WWOX: variants seen among roughly 807,000 people sequenced by gnomAD.
WWOX encodes the protein WW domain-containing oxidoreductase.
In WWOX, 69 loss-of-function variants were observed where a neutral mutation model predicts 46.2. The ratio of observed to expected loss-of-function variants is 1.49; its 90% CI spans 1.23 to 1.82. WWOX has a LOEUF of 1.82. Among genes scored for constraint, WWOX ranks in the 40% most tolerant of loss-of-function variants. WWOX has a pLI of 0.00. For synonymous variants in WWOX, 359 were observed against 202.6 expected, an observed-to-expected ratio of 1.77 and a Z score of -6.56; for missense variants, 919 against 542.6, an observed-to-expected ratio of 1.69 and a Z score of -6.89.
intron 8 of WWOX, among the ~76,000 whole-genome samples, chr16:79,208,440 T>C (rs2051595787): frequency 6.6e-6 from 1 of 152,052 alleles, no homozygotes; most frequent in African/African-American, 2.4e-5. Context: ...TATGTCAAGG[T>C]ATTATTATTT....
chr16:78,371,234 C>T (rs1053108205), intron 5 of WWOX, among the ~76,000 whole-genome samples: 9 of 152,098 alleles, frequency 5.9e-5, no homozygotes, highest in African/African-American at 2.2e-4. Flanking sequence ...CTAAAATTTT[C>T]TTGTGCATCC....
At chr16:79,137,600 C>T (rs1013480504) in intron 8 of WWOX, among the ~76,000 whole-genome samples, 23 of 152,120 alleles carry the variant, frequency 1.5e-4, no homozygotes, top group African/African-American at 1.4e-4. Flanking sequence ...TGAACATGTT[C>T]ACCTTTGGCT....
intron 8 of WWOX, among the ~76,000 whole-genome samples, chr16:78,728,652 C>T (rs1168516019): frequency 6.6e-6 from 1 of 152,160 alleles, no homozygotes; most frequent in Non-Finnish European, 1.5e-5. Flanking sequence ...CAGAGACATC[C>T]CTGAGGGTCC....
intron 5 of WWOX, among the ~76,000 whole-genome samples, chr16:78,309,590 G>A (rs1357528859): frequency 2.0e-5 from 3 of 152,252 alleles, no homozygotes; most frequent in East Asian, 3.9e-4. Flanking sequence ...AAATCAAGGT[G>A]TAACCCAGCC....
At chr16:78,545,587 G>C (rs548564466) in intron 8 of WWOX, among the ~76,000 whole-genome samples, 48 of 152,278 alleles carry the variant, frequency 3.2e-4, no homozygotes, top group African/African-American at 1.1e-3. Flanking sequence ...AGACCACAGT[G>C]ATGCCCAGGA....
chr16:78,445,901 G>A (rs527471606), intron 8 of WWOX, among the ~76,000 whole-genome samples: 18 of 143,046 alleles, frequency 1.3e-4, no homozygotes, highest in African/African-American at 4.4e-4. Context: ...GGGCAGGGGA[G>A]GGGGGAAAGA....
chr16:78,430,635 A>C (rs1052031096), intron 7 of WWOX, among the ~76,000 whole-genome samples: 2 of 152,112 alleles, frequency 1.3e-5, no homozygotes, highest in African/African-American at 2.4e-5. Context: ...CCATTGCCTT[A>C]GACAATTAAG....
At chr16:78,642,412 TC>T (rs2142117890) in intron 8 of WWOX, among the ~76,000 whole-genome samples, 1 of 152,310 alleles carries the variant, frequency 6.6e-6, no homozygotes, top group African/African-American at 2.4e-5. Flanking sequence ...TCTCCTTGCT[TC>T]TTTCTCTTTG....
chr16:78,456,875 T>C (rs577822849), intron 8 of WWOX, among the ~76,000 whole-genome samples: 1 of 152,378 alleles, frequency 6.6e-6, no homozygotes, highest in Non-Finnish European at 1.5e-5. Context: ...ATGCATCAGA[T>C]GATGGAACTA....
intron 4 of WWOX, among the ~76,000 whole-genome samples, chr16:78,138,830 T>G (rs1221805246): frequency 2.0e-5 from 3 of 152,212 alleles, no homozygotes; most frequent in African/African-American, 7.2e-5. Flanking sequence ...GGGGAGCAAG[T>G]GCTCAAAATG....
intron 8 of WWOX, among the ~76,000 whole-genome samples, chr16:78,760,842 G>T (rs1392328303): frequency 6.6e-6 from 1 of 152,180 alleles, no homozygotes; most frequent in Non-Finnish European, 1.5e-5. Context: ...GAGGTTTAAT[G>T]AACTCACATT....
intron 5 of WWOX, among the ~76,000 whole-genome samples, chr16:78,321,257 C>G (rs775841852): frequency 1.4e-5 from 2 of 147,814 alleles, no homozygotes; most frequent in Non-Finnish European, 3.0e-5. Flanking sequence ...TAAGGCAACA[C>G]GTAGGTTCTT....
rs2080994345 is a variant in WWOX at position 78,340,555 on chromosome 16, TTCTA to T, written c.517-46300_517-46297del. The stretch of plus-strand genomic sequence containing the variant: ...AATGTTCTGATCTGTGGATGTCTGT[TTCTA>T]TCTAAGTAGAATTCAAAGTTACTGC... On this transcript the variant is annotated intron_variant, in intron 5 of 8. Coordinates refer to ENST00000566780, the MANE Select transcript of WWOX (RefSeq NM_016373.4). Among the ~76,000 whole-genome samples, 2 of 120,404 alleles carry T rather than the reference TTCTA, an allele frequency of 1.7e-5. 1 individual carries two copies. The highest frequency in any genetic ancestry group is 4.0e-5 in the Non-Finnish European group (2 of 50,504). 79.0% of individuals were successfully genotyped at this position (120,404 alleles called of 152,430 possible).
Position 78,676,226 on chromosome 16 carries a change from G to C in WWOX, c.1056+243474G>C, listed in dbSNP as rs59803303. ...GATATAAAGCTACCATCAAGCAGAA[G>C]AAGCGGGATGCTCTCTACAGAGTCC... On this transcript the variant is annotated intron_variant, in intron 8 of 8. Transcript: ENST00000566780. 3.4e-3 allele frequency among the ~76,000 whole-genome samples: 511 copies of C among 151,686 alleles called. 3 individuals carry two copies. Among genetic ancestry groups the C allele is most frequent in the African/African-American group, 0.012 (491 of 41,416 alleles).
At chr16:78,541,440 C>T (rs1046150308) in intron 8 of WWOX, among the ~76,000 whole-genome samples, 1 of 115,090 alleles carries the variant, frequency 8.7e-6, no homozygotes. Flanking sequence ...CGCCACTGCA[C>T]TCCAGCCTGG....
chr16:78,600,393 C>G (rs1485785891), intron 8 of WWOX, among the ~76,000 whole-genome samples: 2 of 152,132 alleles, frequency 1.3e-5, no homozygotes, highest in Non-Finnish European at 2.9e-5. Flanking sequence ...CCAGCTCCAG[C>G]CATTTGTTAC....
rs187659450 is a variant in WWOX, at chr16:78,101,676, A to C, written c.107+1791A>C. On this transcript the variant is annotated intron_variant, in intron 1 of 8. Transcript: ENST00000566780. Reference sequence around the variant, plus strand: ...CCCCTCTCCCTTGGTAGGTTGTAAAATCTTCCCTCCCAGGTGATTCTAATC... The same window carrying C: ...CCCCTCTCCCTTGGTAGGTTGTAAACTCTTCCCTCCCAGGTGATTCTAATC... Among the ~76,000 whole-genome samples the C allele has an allele frequency of 3.6e-3, 549 of 152,146 alleles. 4 individuals carry two copies. In the South Asian group the frequency reaches 0.037, roughly 10 times the overall value.
chr16:79,165,039 T>A (rs1056766341), intron 8 of WWOX, among the ~76,000 whole-genome samples: 1 of 152,042 alleles, frequency 6.6e-6, no homozygotes, highest in African/African-American at 2.4e-5. Flanking sequence ...TATTTGAGGG[T>A]CTCTGGGAGG....
chr16:78,115,379 A>G (rs912629118), intron 4 of WWOX, among the ~76,000 whole-genome samples: 1 of 152,200 alleles, frequency 6.6e-6, no homozygotes, highest in Admixed American at 6.5e-5. Context: ...ACACTCAGCA[A>G]AAGACTGTGG....
Sources: gnomAD v4.1 joint callset for allele counts (sites outside exome capture counted in the v4.1 genomes callset) on GRCh38, gnomAD v4.1.1 for gene constraint, MANE v1.5 for transcripts, NCBI Gene and HGNC (gene_info 2026-07-23, HGNC 2026-07-21) for gene names.